Variants in SDR42E1 observed in about 807,000 individuals in gnomAD.
SDR42E1 encodes the protein short-chain dehydrogenase/reductase family 42E member 1.
Under a neutral mutation model 2.6 loss-of-function variants are expected in SDR42E1, and 5 were observed. The ratio of observed to expected loss-of-function variants is 1.94; its 90% confidence interval spans 1.01 to 4.08. The LOEUF (loss-of-function observed/expected upper bound fraction) is 4.08. Among genes scored for constraint, SDR42E1 ranks in the 30% most tolerant of loss-of-function variants. SDR42E1 has a pLI of 0.00. For missense variants in SDR42E1, 596 were observed against 478.6 expected (o/e 1.25, Z -2.29); for synonymous variants, 231 against 188.3 (o/e 1.23, Z -1.86).
chr16:82,001,161 G>A (rs1383414221), intron 1 of SDR42E1, among the ~76,000 whole-genome samples: 2 of 152,084 alleles, frequency 1.3e-5, no homozygotes, highest in African/African-American at 2.4e-5. Context: ...TGCTTTGAGA[G>A]CCACAAAAAA....
intron 1 of SDR42E1, among the ~76,000 whole-genome samples, chr16:82,001,961 TACACACACAC>T (rs375862551): frequency 7.3e-6 from 1 of 137,220 alleles, no homozygotes; most frequent in Non-Finnish European, 1.6e-5. Flanking sequence ...TGGGTGCGTA[TACACACACAC>T]ACACACACAC....
chr16:82,002,073 T>C (rs1212017668), intron 1 of SDR42E1, among the ~76,000 whole-genome samples: 2 of 151,802 alleles, frequency 1.3e-5, no homozygotes, highest in Non-Finnish European at 2.9e-5. Context: ...GCCCTACCAT[T>C]TCTCTTTCCC....
In SDR42E1 at chr16:81,995,002, T is replaced by C. The variant is rs768814428; in HGVS notation, c.*4109A>G. On this transcript the variant is annotated 3_prime_UTR_variant, in exon 3 of 3. Transcript: ENST00000328945. ...ACTGTTACTGCTTGTAATGTGGCAC[T>C]GTCTGCCCCTGTCACCAGAAACGGC... The C allele has an allele frequency of 6.6e-6, 1 of 152,224 alleles. No individual in the cohort carries two copies. Among genetic ancestry groups the C allele is most frequent in the Non-Finnish European group, 1.5e-5 (1 of 68,044 alleles). The allele number at this position is 152,224 out of a possible 1,614,324, so 9.4% of individuals were successfully genotyped here. A position where few individuals can be genotyped will look rare whatever the true frequency, so the allele number is the denominator to read the frequency against.
intron 1 of SDR42E1, among the ~76,000 whole-genome samples, chr16:82,006,824 C>T (rs1218908109): frequency 6.6e-6 from 1 of 151,992 alleles, no homozygotes; most frequent in East Asian, 1.9e-4. Flanking sequence ...AACCAAAAGG[C>T]CAAACACACC....
Position 81,995,643 on chromosome 16 carries a change from C to A in SDR42E1, c.*3468G>T, listed in dbSNP as rs889551725. On this transcript the variant is annotated 3_prime_UTR_variant, in exon 3 of 3. Transcript: ENST00000328945. The stretch of plus-strand genomic sequence containing the variant: ...GTAGGTTGGCTATTTTCCCCAGTCT[C>A]CAAAAGATTAGAAACAGTGAGTTAT... 1 of 152,166 alleles carries A rather than the reference C, an allele frequency of 6.6e-6. No homozygotes were observed. Among genetic ancestry groups the A allele is most frequent in the South Asian group, 2.1e-4 (1 of 4,828 alleles). The allele number at this position is 152,166 out of a possible 1,614,324, so 9.4% of individuals were successfully genotyped here. A position where few individuals can be genotyped will look rare whatever the true frequency, so the allele number is the denominator to read the frequency against.
chr16:82,000,978 G>T, intron 1 of SDR42E1, 94 bp from the exon 2 acceptor site: 1 of 741,050 alleles, frequency 1.3e-6, no homozygotes, highest in Non-Finnish European at 2.2e-6. Flanking sequence ...TCAATACGCT[G>T]TAGTAGAATG....
rs1449828670 is a variant in SDR42E1 at position 82,000,771 on chromosome 16, T to C, written c.68+20A>G. The C allele has an allele frequency of 1.3e-6, 2 of 1,563,070 alleles. No individual in the cohort carries two copies. The highest frequency in any genetic ancestry group is 1.8e-6 in the Non-Finnish European group (2 of 1,135,748). ...TACCAGTAAAATAATTCCATGTGTA[T>C]ATTTTATAGATACACTTACCGAAAA... On this transcript the variant is annotated intron_variant, in intron 2 of 2. Transcript: ENST00000328945.
rs1322927695 is a variant in SDR42E1, at chr16:81,996,148, A to T, written c.*2963T>A. 6.6e-6 allele frequency: 1 copy of T among 152,232 alleles called. No homozygotes were observed. Among genetic ancestry groups the T allele is most frequent in the African/African-American group, 2.4e-5 (1 of 41,440 alleles). The allele number at this position is 152,232 out of a possible 1,614,324, so 9.4% of individuals were successfully genotyped here. On this transcript the variant is annotated 3_prime_UTR_variant, in exon 3 of 3. Coordinates refer to ENST00000328945, the MANE Select transcript of SDR42E1 (RefSeq NM_145168.3). The stretch of plus-strand genomic sequence containing the variant: ...ACAAAGCCTCTTGATCACGTTAAAG[A>T]TTCTCAACCTAAGGAAAGTTTTCAG...
Position 81,992,294 on chromosome 16 carries a change from T to A in SDR42E1, c.*6817A>T, listed in dbSNP as rs1185589377. On this transcript the variant is annotated 3_prime_UTR_variant, in exon 3 of 3. Coordinates refer to ENST00000328945, the MANE Select transcript of SDR42E1 (RefSeq NM_145168.3). ...AGGTTAATATTGATCATTAGCTTCA[T>A]GTTGAACATTCCCAGAAGCTAAATC... 6.6e-6 allele frequency: 1 copy of A among 152,236 alleles called. No individual in the cohort carries two copies. Among genetic ancestry groups the A allele is most frequent in the Non-Finnish European group, 1.5e-5 (1 of 68,040 alleles). The allele number at this position is 152,236 out of a possible 1,614,324, so 9.4% of individuals were successfully genotyped here.
chr16:82,004,617 C>T (rs938003833), intron 1 of SDR42E1, among the ~76,000 whole-genome samples: 2 of 152,238 alleles, frequency 1.3e-5, no homozygotes, highest in African/African-American at 4.8e-5. Context: ...CCTCCTACCT[C>T]AGCATCCTGA....
In SDR42E1 at chr16:81,999,528, T is replaced by G; in HGVS notation, c.765A>C (p.Ser255=). Residue 255 remains serine, a synonymous_variant, in exon 3 of 3, where the codon TCA becomes TCC. Coordinates refer to ENST00000328945, the MANE Select transcript of SDR42E1 (RefSeq NM_145168.3). ...HIASGQPYFI[S]DGRPVNNFEF... ...CAAAGTTGTTCACGGGTCTGCCATC[T>G]GAGATGAAGTAGGGCTGCCCAGAGG... 1.2e-6 allele frequency: 2 copies of G among 1,614,178 alleles called. No individual in the cohort carries two copies.
intron 2 of SDR42E1, 67 bp from the exon 3 acceptor site, chr16:82,000,291 A>C (rs1225448114): frequency 1.2e-5 from 19 of 1,584,026 alleles, no homozygotes; most frequent in Non-Finnish European, 1.4e-5. Flanking sequence ...AAGTGTATAA[A>C]GTAATTTACC....
rs144079787 is a variant in SDR42E1 at position 81,988,863 on chromosome 16, A to T, written c.*10248T>A. 4 of 152,312 alleles carry T rather than the reference A, an allele frequency of 2.6e-5. No individual in the cohort carries two copies. The East Asian group carries it at 7.7e-4, about 29-fold the overall frequency. 9.4% of individuals were successfully genotyped at this position (152,312 alleles called of 1,614,324 possible). A position where few individuals can be genotyped will look rare whatever the true frequency, so the allele number is the denominator to read the frequency against. Reference sequence around the variant, plus strand: ...AAAAACTATACATAAGATTTTCTTTAGGTAATTTTTTATTAATATTTCAAT... The same window carrying T: ...AAAAACTATACATAAGATTTTCTTTTGGTAATTTTTTATTAATATTTCAAT... On this transcript the variant is annotated 3_prime_UTR_variant, in exon 3 of 3. Transcript: ENST00000328945.
chr16:82,002,303 C>T (rs1278137494), intron 1 of SDR42E1, among the ~76,000 whole-genome samples: 1 of 152,128 alleles, frequency 6.6e-6, no homozygotes, highest in Non-Finnish European at 1.5e-5. Flanking sequence ...CGCCTCCGCC[C>T]TTAAATGGTT....
intron 1 of SDR42E1, among the ~76,000 whole-genome samples, chr16:82,005,781 C>A: frequency 6.6e-6 from 1 of 152,070 alleles, no homozygotes; most frequent in East Asian, 1.9e-4. Flanking sequence ...CCGACCTGAG[C>A]AGTCATTTTA....
chr16:82,007,499 C>G (rs1912979221), intron 1 of SDR42E1: 1 of 152,170 alleles, frequency 6.6e-6, no homozygotes, highest in East Asian at 1.9e-4. Context: ...ACACAAAGTG[C>G]CTAACTCCAA....
Position 81,996,771 on chromosome 16 carries a change from T to C in SDR42E1, c.*2340A>G, listed in dbSNP as rs907173352. 3.3e-5 allele frequency: 5 copies of C among 152,036 alleles called. No homozygotes were observed. The highest frequency in any genetic ancestry group is 1.2e-4 in the African/African-American group (5 of 41,394). 9.4% of individuals were successfully genotyped at this position (152,036 alleles called of 1,614,324 possible). ...GCTGGAGTGGGAGACAGTAACAGAA[T>C]TGGGGAGATATGGAAGCAGGAATGT... On this transcript the variant is annotated 3_prime_UTR_variant, in exon 3 of 3. Transcript: ENST00000328945.
At chr16:82,004,298 G>C (rs1912863459) in intron 1 of SDR42E1, among the ~76,000 whole-genome samples, 1 of 152,128 alleles carries the variant, frequency 6.6e-6, no homozygotes, top group African/African-American at 2.4e-5. Flanking sequence ...ATCTAGGTAG[G>C]CTGAAAGGAG....
In SDR42E1 at chr16:81,990,014, CA is replaced by C. The variant is rs1325580575; in HGVS notation, c.*9096del. On this transcript the variant is annotated 3_prime_UTR_variant, in exon 3 of 3. Transcript: ENST00000328945. ...ACTCCGTCTGAAACAGACAAACAAA[CA>C]AAAAAAACATGGTAGGCTGGGCACG... 6.6e-6 allele frequency: 1 copy of C among 152,230 alleles called. No homozygotes were observed. The highest frequency in any genetic ancestry group is 1.5e-5 in the Non-Finnish European group (1 of 68,186). The allele number at this position is 152,230 out of a possible 1,614,324, so 9.4% of individuals were successfully genotyped here.
Sources: gnomAD v4.1 joint callset for allele counts (sites outside exome capture counted in the v4.1 genomes callset) on GRCh38, gnomAD v4.1.1 for gene constraint, MANE v1.5 for transcripts, NCBI Gene and HGNC (gene_info 2026-07-23, HGNC 2026-07-21) for gene names.